Variants in FIG4 observed in about 807,000 individuals in gnomAD.
The protein encoded by FIG4 is FIG4 phosphoinositide 5-phosphatase, also known as polyphosphoinositide phosphatase.
FIG4 carries 112 observed loss-of-function variants against 118.6 expected under a neutral mutation model. The ratio of observed to expected loss-of-function variants is 0.94; its 90% confidence interval spans 0.81 to 1.11. The LOEUF is 1.11. FIG4 is among the 50% of genes least tolerant of loss of function. The pLI is 0.00. For missense variants in FIG4, 969 were observed against 1,111.7 expected (o/e 0.87, Z 1.83); for synonymous variants, 369 against 381.2 (o/e 0.97, Z 0.37).
intron 1 of FIG4, among the ~76,000 whole-genome samples, chr6:109,706,740 G>T (rs2025148): frequency 0.34 from 51,600 of 151,950 alleles, 9,280 homozygotes; most frequent in South Asian, 0.44. Flanking sequence ...ACATTTTCTC[G>T]CTTATTCTTG....
At chr6:109,777,157 A>T in intron 16 of FIG4, 97 bp downstream of exon 16, 1 of 1,185,568 alleles carries the variant, frequency 8.4e-7, no homozygotes, top group Non-Finnish European at 1.2e-6. Context: ...TAAAATAGTC[A>T]GTTTTATTTT....
Position 109,723,673 on chromosome 6 carries a change from G to C in FIG4, c.290-3436G>C, listed in dbSNP as rs552612803. 6.6e-5 allele frequency among the ~76,000 whole-genome samples: 10 copies of C among 152,268 alleles called. 2 individuals are homozygous for C. The East Asian group carries it at 1.9e-3, about 29-fold the overall frequency. Reference sequence around the variant, plus strand: ...TTTTTGGCCATAGTTGATTGGTCCTGGGCTGGGCCCCTGACCCAAGTTGGG... The same window carrying C: ...TTTTTGGCCATAGTTGATTGGTCCTCGGCTGGGCCCCTGACCCAAGTTGGG... On this transcript the variant is annotated intron_variant, in intron 3 of 22. Transcript: ENST00000230124.
chr6:109,824,222 T>C (rs1297040167), intron 22 of FIG4, among the ~76,000 whole-genome samples: 1 of 152,140 alleles, frequency 6.6e-6, no homozygotes, highest in Non-Finnish European at 1.5e-5. Context: ...GCTTTTCAAA[T>C]TACCCGAGAA....
At chr6:109,744,924 G>C (rs189722478) in intron 10 of FIG4, among the ~76,000 whole-genome samples, 49 of 151,996 alleles carry the variant, frequency 3.2e-4, no homozygotes, top group Non-Finnish European at 2.2e-4. Flanking sequence ...AGTTTACTGA[G>C]AATGATGGTT....
chr6:109,793,423 C>T (rs1287020997), intron 21 of FIG4, among the ~76,000 whole-genome samples: 3 of 152,152 alleles, frequency 2.0e-5, no homozygotes, highest in Non-Finnish European at 4.4e-5. Flanking sequence ...AGGGGATACC[C>T]ATAAGGCATT....
chr6:109,755,552 T>C (rs1776862599), intron 10 of FIG4, among the ~76,000 whole-genome samples: 2 of 152,162 alleles, frequency 1.3e-5, no homozygotes, highest in South Asian at 4.1e-4. Flanking sequence ...AAGTTTCCCA[T>C]TATTATTGTG....
At chr6:109,775,694 G>A (rs927496354) in intron 15 of FIG4, among the ~76,000 whole-genome samples, 2 of 151,842 alleles carry the variant, frequency 1.3e-5, no homozygotes, top group Admixed American at 1.3e-4. Context: ...CTCAACAAGT[G>A]CAAAGAAAGT....
intron 10 of FIG4, among the ~76,000 whole-genome samples, chr6:109,748,932 G>A (rs139092450): frequency 0.047 from 7,200 of 152,114 alleles, 561 homozygotes; most frequent in African/African-American, 0.16. Context: ...TACAATTCAA[G>A]ATGAGATTTG....
At chr6:109,757,506 A>G (rs1006203486) in intron 10 of FIG4, among the ~76,000 whole-genome samples, 3 of 152,230 alleles carry the variant, frequency 2.0e-5, no homozygotes, top group Non-Finnish European at 2.9e-5. Flanking sequence ...AGCCAATATC[A>G]TACTGAATGG....
chr6:109,739,683 C>T (rs1364426921), intron 7 of FIG4, among the ~76,000 whole-genome samples: 1 of 152,152 alleles, frequency 6.6e-6, no homozygotes, highest in African/African-American at 2.4e-5. Context: ...TGAGGCCCCA[C>T]TCAGGCCAGC....
At chr6:109,765,232 T>C (rs1165887844) in intron 14 of FIG4, 71 bp downstream of exon 14, 2 of 1,300,360 alleles carry the variant, frequency 1.5e-6, no homozygotes, top group African/African-American at 2.9e-5. Context: ...ATAAGATTTT[T>C]TTATGAAAGC....
chr6:109,740,258 ATGTT>A (rs1776283441), intron 7 of FIG4, among the ~76,000 whole-genome samples: 1 of 152,128 alleles, frequency 6.6e-6, no homozygotes, highest in Non-Finnish European at 1.5e-5. Context: ...AACATAGTAA[ATGTT>A]TGTTTTTTAA....
intron 18 of FIG4, among the ~76,000 whole-genome samples, chr6:109,787,682 G>A (rs920642895): frequency 6.6e-6 from 1 of 152,140 alleles, no homozygotes; most frequent in African/African-American, 2.4e-5. Flanking sequence ...ACCTATCAAT[G>A]ACATTAAGTG....
rs56943757 is a variant in FIG4, at chr6:109,698,189, GT to G, written c.66+6700del. On this transcript the variant is annotated intron_variant, in intron 1 of 22. Coordinates refer to ENST00000230124, the MANE Select transcript of FIG4 (RefSeq NM_014845.6). ...AGGCTTGAGCCACCGTGCCTGGCCT[GT>G]TTTTTTTTTTTATTTTTTTATTTTT... Among the ~76,000 whole-genome samples, 1,275 of 145,152 alleles carry G rather than the reference GT, an allele frequency of 8.8e-3. 28 individuals are homozygous for G. The highest frequency in any genetic ancestry group is 0.028 in the African/African-American group (1,109 of 39,892).
At chr6:109,749,766 T>G (rs12171561) in intron 10 of FIG4, among the ~76,000 whole-genome samples, 24,807 of 152,052 alleles carry the variant, frequency 0.16, 3,683 homozygotes, top group African/African-American at 0.39. Context: ...ATGTATTCTT[T>G]GCCAGGTATC....
chr6:109,738,100 C>T (rs1166900390), intron 6 of FIG4, among the ~76,000 whole-genome samples: 1 of 152,082 alleles, frequency 6.6e-6, no homozygotes, highest in African/African-American at 2.4e-5. Flanking sequence ...ATTTCTTTGA[C>T]TTTTTACAGA....
chr6:109,765,249 A>C (rs557123785), intron 14 of FIG4, 88 bp downstream of exon 14: 13 of 1,054,898 alleles, frequency 1.2e-5, no homozygotes, highest in Admixed American at 1.2e-4. Flanking sequence ...AAGCGTTTCT[A>C]CTTTTAGCTT....
intron 22 of FIG4, among the ~76,000 whole-genome samples, chr6:109,797,804 G>A (rs1236223683): frequency 2.0e-5 from 3 of 151,470 alleles, no homozygotes; most frequent in Non-Finnish European, 2.9e-5. Flanking sequence ...GTGGAGACAG[G>A]AGAATTGTTT....
In FIG4 at chr6:109,791,572, G is replaced by T. The variant is rs753008987; in HGVS notation, c.2376+1G>T. 6.2e-7 allele frequency: 1 copy of T among 1,613,628 alleles called. No homozygotes were observed. The highest frequency in any genetic ancestry group is 1.1e-5 in the South Asian group (1 of 91,076). ...AGGAGACAGTGCCAAAGTGACCGAG[G>T]TGCGGGGGAGGGAAGCCTGTGGCAT... On this transcript the variant is annotated splice_donor_variant, in intron 20 of 22. Coordinates refer to ENST00000230124, the MANE Select transcript of FIG4 (RefSeq NM_014845.6). LOFTEE classifies it high-confidence loss of function.
Sources: gnomAD v4.1 joint callset for allele counts (sites outside exome capture counted in the v4.1 genomes callset) on GRCh38, gnomAD v4.1.1 for gene constraint, MANE v1.5 for transcripts, NCBI Gene and HGNC (gene_info 2026-07-23, HGNC 2026-07-21) for gene names.